Variants in GTPBP1 observed in about 807,000 individuals in gnomAD.
The protein encoded by GTPBP1 is GTP binding protein 1, also known as GTP-binding protein 1.
In GTPBP1, 23 loss-of-function variants were observed where a neutral mutation model predicts 62.0. That is an observed-to-expected ratio of 0.37 (90% CI 0.27 to 0.53). GTPBP1 has a LOEUF of 0.53. GTPBP1 is among the 20% of genes least tolerant of loss of function. GTPBP1 has a pLI of 0.89. For missense variants in GTPBP1, 640 were observed against 917.3 expected (o/e 0.70, Z 3.90); for synonymous variants, 344 against 364.4 (o/e 0.94, Z 0.64).
chr22:38,738,427 G>A, downstream of GTPBP1: 4 of 1,154,874 alleles, frequency 3.5e-6, 1 homozygote, highest in South Asian at 4.4e-5. This position sits in a 1 kb window ranked among gnomAD's most constrained non-coding sequence, Gnocchi z 6.6. Context: ...AAAGCCTAAG[G>A]TAACAGGGAC....
Position 38,730,989 on chromosome 22 carries a change from A to G in GTPBP1, c.*285A>G, listed in dbSNP as rs2145890308. The G allele has an allele frequency of 5.0e-6, 2 of 398,750 alleles. No homozygotes were observed. Among genetic ancestry groups the G allele is most frequent in the South Asian group, 6.2e-5 (2 of 32,434 alleles). The allele number at this position is 398,750 out of a possible 1,614,324, so 24.7% of individuals were successfully genotyped here. A position where few individuals can be genotyped will look rare whatever the true frequency, so the allele number is the denominator to read the frequency against. ...GCCCTTAGTTTTTATTCTGTTTATT[A>G]TATGTCTCTGTCTCTCTCTATTGTG... On this transcript the variant is annotated 3_prime_UTR_variant, in exon 12 of 12. Transcript: ENST00000216044. This position sits in a 1 kb window ranked among gnomAD's most constrained non-coding sequence, Gnocchi z 5.6.
At chr22:38,742,308 C>T (rs1240205767), downstream of GTPBP1, 16 of 1,598,446 alleles carry the variant, frequency 1.0e-5, no homozygotes, top group African/African-American at 1.1e-4. Flanking sequence ...TACCTGGATG[C>T]GAGCAGCAGT....
At chr22:38,718,316 G>A (rs2092681692) in intron 4 of GTPBP1, among the ~76,000 whole-genome samples, 2 of 152,170 alleles carry the variant, frequency 1.3e-5, no homozygotes, top group Admixed American at 6.5e-5. Flanking sequence ...GCTACAGTGA[G>A]TAAGACCAAT....
Position 38,726,491 on chromosome 22 carries a change from T to C in GTPBP1, c.1401+51T>C. 1 of 1,507,908 alleles carries C rather than the reference T, an allele frequency of 6.6e-7. No individual in the cohort carries two copies. Among genetic ancestry groups the C allele is most frequent in the Non-Finnish European group, 9.2e-7 (1 of 1,090,892 alleles). 93.4% of individuals were successfully genotyped at this position (1,507,908 alleles called of 1,614,324 possible). A position where few individuals can be genotyped will look rare whatever the true frequency, so the allele number is the denominator to read the frequency against. On this transcript the variant is annotated intron_variant, in intron 8 of 11. Transcript: ENST00000216044. This position sits in a 1 kb window ranked among gnomAD's most constrained non-coding sequence, Gnocchi z 4.1. The stretch of plus-strand genomic sequence containing the variant: ...CCCCTCAGACTCCATCATGCTAGGC[T>C]CTTGGCCAGATGCCCTGCTCACCCA...
At chr22:38,736,332 T>C, downstream of GTPBP1, 1 of 1,613,978 alleles carries the variant, frequency 6.2e-7, no homozygotes, top group Non-Finnish European at 8.5e-7. Context: ...TGGCCCCAGT[T>C]AGTCAGGATC....
At chr22:38,740,308 C>G, downstream of GTPBP1, 1 of 1,604,282 alleles carries the variant, frequency 6.2e-7, no homozygotes, top group Non-Finnish European at 8.5e-7. The surrounding 1 kb of genome is among the most constrained non-coding windows in gnomAD (Gnocchi z 4.8). Context: ...AGCAGGCCCA[C>G]TTCTTCCGCC....
In GTPBP1 at chr22:38,729,365, G is replaced by C. The variant is rs569140617; in HGVS notation, c.1717-97G>C. ...CTGAACTGGCAAGATCAAGGAATGA[G>C]GAGTCTGTGGGAGAAGGGGGCTGAG... is the stretch of plus-strand genomic sequence containing the variant. On this transcript the variant is annotated intron_variant, in intron 10 of 11. Transcript: ENST00000216044. The C allele has an allele frequency of 5.5e-5, 46 of 840,364 alleles. No individual in the cohort carries two copies. In the South Asian group the frequency reaches 7.8e-4, roughly 14 times the overall value. 52.1% of individuals were successfully genotyped at this position (840,364 alleles called of 1,614,324 possible).
chr22:38,726,247 C>T lies in GTPBP1; in HGVS notation c.1219-11C>T. 1 of 1,613,712 alleles carries T rather than the reference C, an allele frequency of 6.2e-7. No individual in the cohort carries two copies. Among genetic ancestry groups the T allele is most frequent in the African/African-American group, 1.3e-5 (1 of 74,978 alleles). ...GATGCACTTATGAGGCCAGGGTCTT[C>T]TCCTTGGCAGGGTGTGGGGACAGTG... On this transcript the variant is annotated splice_polypyrimidine_tract_variant and intron_variant, in intron 7 of 11. Coordinates refer to ENST00000216044, the MANE Select transcript of GTPBP1 (RefSeq NM_004286.5). The surrounding 1 kb of genome is among the most constrained non-coding windows in gnomAD (Gnocchi z 4.1).
In GTPBP1 at chr22:38,708,923, G is replaced by C. The variant is rs11547402; in HGVS notation, c.271G>C (p.Gly91Arg). 5 of 1,604,622 alleles carry C rather than the reference G, an allele frequency of 3.1e-6. No individual in the cohort carries two copies. The highest frequency in any genetic ancestry group is 4.3e-6 in the Non-Finnish European group (5 of 1,171,368). Reference protein sequence around the residue: ...QMWERMDEGCGETIYVIGQGS... With the variant: ...QMWERMDEGCRETIYVIGQGS... The stretch of plus-strand genomic sequence containing the variant: ...GTGGGAGAGGATGGACGAGGGATGC[G>C]GAGAGACCATATATGTCATTGGGCA... Residue 91 changes from glycine (G) to arginine (R), a missense_variant, in exon 2 of 12, where the codon GGA becomes CGA. By Grantham distance (125) the Gly-to-Arg change is moderately radical. Coordinates refer to ENST00000216044, the MANE Select transcript of GTPBP1 (RefSeq NM_004286.5).
At position 38,732,677 on chromosome 22, in the gene GTPBP1, C is replaced by G. The variant is rs1415565792; in HGVS notation, c.*1973C>G. 1 of 152,362 alleles carries G rather than the reference C, an allele frequency of 6.6e-6. No individual in the cohort carries two copies. The highest frequency in any genetic ancestry group is 1.5e-5 in the Non-Finnish European group (1 of 68,154). The allele number at this position is 152,362 out of a possible 1,614,324, so 9.4% of individuals were successfully genotyped here. A position where few individuals can be genotyped will look rare whatever the true frequency, so the allele number is the denominator to read the frequency against. On this transcript the variant is annotated 3_prime_UTR_variant, in exon 12 of 12. Coordinates refer to ENST00000216044, the MANE Select transcript of GTPBP1 (RefSeq NM_004286.5). ...CTGTTGACATTCCCAGCAGCCGCCC[C>G]TGAGGTCGATGTTTGTTCTGTTTTT... is the stretch of plus-strand genomic sequence containing the variant.
At position 38,726,515 on chromosome 22, in the gene GTPBP1, C is replaced by T. The variant is rs576213670; in HGVS notation, c.1401+75C>T. 14 of 1,238,406 alleles carry T rather than the reference C, an allele frequency of 1.1e-5. No homozygotes were observed. Among genetic ancestry groups the T allele is most frequent in the Non-Finnish European group, 1.6e-5 (14 of 855,860 alleles). The allele number at this position is 1,238,406 out of a possible 1,614,324, so 76.7% of individuals were successfully genotyped here. A position where few individuals can be genotyped will look rare whatever the true frequency, so the allele number is the denominator to read the frequency against. ...CTCTTGGCCAGATGCCCTGCTCACC[C>T]ACTCTAGTCCTCATGGCTGCTCTGC... On this transcript the variant is annotated intron_variant, in intron 8 of 11. Transcript: ENST00000216044. This position sits in a 1 kb window ranked among gnomAD's most constrained non-coding sequence, Gnocchi z 4.1.
chr22:38,721,901 A>G (rs1474901684), intron 5 of GTPBP1, 36 bp downstream of exon 5: 1 of 1,532,714 alleles, frequency 6.5e-7, no homozygotes, highest in Non-Finnish European at 8.9e-7. Flanking sequence ...AGCCCCTCTG[A>G]TTGGGGCTGT....
intron 2 of GTPBP1, among the ~76,000 whole-genome samples, chr22:38,710,915 C>A (rs2145842614): frequency 6.6e-6 from 1 of 152,234 alleles, no homozygotes; most frequent in Non-Finnish European, 1.5e-5. Context: ...CATGGCAAAC[C>A]CACCCATGGC....
At chr22:38,740,690 C>A, downstream of GTPBP1, 1 of 572,984 alleles carries the variant, frequency 1.7e-6, no homozygotes, top group South Asian at 2.3e-5. This position sits in a 1 kb window ranked among gnomAD's most constrained non-coding sequence, Gnocchi z 4.8. Flanking sequence ...CCTCTCACAT[C>A]CTCCACAAGC....
chr22:38,709,009 G>T, intron 2 of GTPBP1, 53 bp downstream of exon 2: 1 of 1,106,748 alleles, frequency 9.0e-7, no homozygotes, highest in East Asian at 2.4e-5. Context: ...GGCCGGGTGC[G>T]GTGGCCCTGC....
At chr22:38,725,675 C>T (rs906667480) in intron 6 of GTPBP1, 4 of 268,560 alleles carry the variant, frequency 1.5e-5, no homozygotes, top group South Asian at 1.3e-4. Flanking sequence ...GGTGGAAAGG[C>T]GGTTAAGGAT....
intron 4 of GTPBP1, among the ~76,000 whole-genome samples, chr22:38,717,277 A>T (rs2092676151): frequency 6.6e-6 from 1 of 152,208 alleles, no homozygotes; most frequent in Admixed American, 6.5e-5. Context: ...AGAGGCATAG[A>T]GGAGGGTTTC....
At chr22:38,742,201 G>A (rs906009668), downstream of GTPBP1, 35 of 1,429,878 alleles carry the variant, frequency 2.4e-5, no homozygotes, top group East Asian at 7.8e-4. Context: ...TGGCAGAGCT[G>A]TCTGATCCCA....
chr22:38,719,204 A>G (rs1014838547), intron 4 of GTPBP1, among the ~76,000 whole-genome samples: 1 of 152,094 alleles, frequency 6.6e-6, no homozygotes, highest in African/African-American at 2.4e-5. Context: ...ACGAGGTTTC[A>G]CTATGTTGGC....
Sources: gnomAD v4.1 joint callset for allele counts (sites outside exome capture counted in the v4.1 genomes callset) on GRCh38, gnomAD v4.1.1 for gene constraint, Gnocchi (gnomAD v3.1) non-coding constraint, MANE v1.5 for transcripts, NCBI Gene and HGNC (gene_info 2026-07-23, HGNC 2026-07-21) for gene names.